MYO10: variants seen among roughly 807,000 people sequenced by gnomAD.
MYO10 encodes the protein unconventional myosin-X.
MYO10 carries 133 observed loss-of-function variants against 257.3 expected under a neutral mutation model. That is an observed-to-expected ratio of 0.52 (90% CI 0.45 to 0.60). The LOEUF (loss-of-function observed/expected upper bound fraction) is 0.60. Ranked by LOEUF, MYO10 falls within the 20% of genes least tolerant of loss-of-function variation. The pLI is 0.00. For missense variants in MYO10, 2,399 were observed against 2,635.7 expected (o/e 0.91, Z 1.97); for synonymous variants, 1,104 against 1,028.6 (o/e 1.07, Z -1.40).
rs866225048 is a variant in MYO10, at chr5:16,762,068, C to A, written c.1633G>T (p.Gly545Ter). 6.8e-7 allele frequency: 1 copy of A among 1,476,890 alleles called. No homozygotes were observed. Among genetic ancestry groups the A allele is most frequent in the East Asian group, 2.6e-5 (1 of 39,212 alleles). The allele number at this position is 1,476,890 out of a possible 1,614,324, so 91.5% of individuals were successfully genotyped here. A position where few individuals can be genotyped will look rare whatever the true frequency, so the allele number is the denominator to read the frequency against. ...VKPRVAVNNFGVKHYAGEVQY... is the reference protein window; with the variant it reads ...VKPRVAVNNF ...ACCTCTCCAGCATAGTGCTTCACTC[C>A]AAAATTGTTAACTGCAACTCTGGGC... The change falls in exon 16 of 41, where the codon GGA becomes TGA. Residue 545 changes from glycine (G) to a stop codon, truncating the protein, a stop_gained. Transcript: ENST00000513610. LOFTEE classifies it high-confidence loss of function.
intron 2 of MYO10, among the ~76,000 whole-genome samples, chr5:16,868,102 T>C (rs551237027): frequency 1.9e-4 from 29 of 152,310 alleles, no homozygotes; most frequent in Admixed American, 1.4e-3. Context: ...TTAGACTCTT[T>C]CCAGAAAAAG....
chr5:16,679,924 T>A, intron 33 of MYO10, 23 bp downstream of exon 33: 7 of 1,609,984 alleles, frequency 4.3e-6, no homozygotes, highest in Non-Finnish European at 5.9e-6. Flanking sequence ...ATCACCCACC[T>A]TGATGGGCTT....
chr5:16,864,093 G>C (rs546767502), intron 2 of MYO10, among the ~76,000 whole-genome samples: 25 of 151,602 alleles, frequency 1.6e-4, no homozygotes, highest in Non-Finnish European at 8.8e-5. Flanking sequence ...GTGAGAACCT[G>C]TCTCCAAAAC....
At chr5:16,772,781 G>A (rs1414538749) in intron 9 of MYO10, among the ~76,000 whole-genome samples, 7 of 152,176 alleles carry the variant, frequency 4.6e-5, no homozygotes, top group Non-Finnish European at 7.3e-5. Flanking sequence ...ATAGTGATAC[G>A]TGCCACATGG....
rs1742680677 is a variant in MYO10 at position 16,818,142 on chromosome 5, A to T, written c.146T>A (p.Ile49Asn). 1.3e-6 allele frequency: 2 copies of T among 1,597,170 alleles called. No individual in the cohort carries two copies. Among genetic ancestry groups the T allele is most frequent in the African/African-American group, 1.3e-5 (1 of 74,562 alleles). The part of the protein sequence containing the change: ...GQVFTYKQST[I>N]THQKVTAMHP... ...CATAGCAGTCACCTTCTGGTGGGTA[A>T]TTGTGCTCTGCTTGTAAGTGAATAC... Residue 49 changes from isoleucine (I) to asparagine (N), a missense_variant, in exon 3 of 41, where the codon ATT becomes AAT. This residue lies in a region of MYO10 where 242 missense variants were observed against 249.5 expected (regional missense o/e 0.97). Transcript: ENST00000513610.
chr5:16,732,098 A>C (rs1370267028), intron 19 of MYO10, among the ~76,000 whole-genome samples: 1 of 152,204 alleles, frequency 6.6e-6, no homozygotes, highest in Non-Finnish European at 1.5e-5. Flanking sequence ...GGAACATTTC[A>C]TATTTTGAGT....
chr5:16,662,548 C>T lies in MYO10; in HGVS notation c.*4144G>A, dbSNP rs772481114. 2.0e-5 allele frequency: 3 copies of T among 151,896 alleles called. No homozygotes were observed. The highest frequency in any genetic ancestry group is 2.9e-5 in the Non-Finnish European group (2 of 68,022). 9.4% of individuals were successfully genotyped at this position (151,896 alleles called of 1,614,324 possible). A position where few individuals can be genotyped will look rare whatever the true frequency, so the allele number is the denominator to read the frequency against. On this transcript the variant is annotated 3_prime_UTR_variant, in exon 41 of 41. Coordinates refer to ENST00000513610, the MANE Select transcript of MYO10 (RefSeq NM_012334.3). ...TGTTGCCCAGACTGGTCTTGAACTC[C>T]GGAGCTCAAGCGATCCTCTTGCCTC...
chr5:16,677,433 T>TTTTTTTTTTTTTTTTG (rs1363770924), intron 33 of MYO10, among the ~76,000 whole-genome samples: 5 of 145,326 alleles, frequency 3.4e-5, no homozygotes, highest in African/African-American at 8.1e-5. Context: ...TTTTTTTTTT[T>TTTTTTTTTTTTTTTTG]GAGACGGAGT....
chr5:16,780,572 A>C lies in MYO10; in HGVS notation c.778T>G (p.Tyr260Asp). The C allele has an allele frequency of 6.3e-7, 1 of 1,583,468 alleles. No individual in the cohort carries two copies. Among genetic ancestry groups the C allele is most frequent in the Non-Finnish European group, 8.6e-7 (1 of 1,163,048 alleles). Residue 260 changes from tyrosine to aspartate, a missense_variant, in exon 8 of 41, where the codon TAT becomes GAT. Around this residue, in one of 3 missense-constraint regions of MYO10, gnomAD observed 337 missense variants for 446.8 expected, o/e 0.75. Transcript: ENST00000513610. ...GCCAGCAGTGCATAAAATATGTGAT[A>C]ATTCCTTTCCCCGGGATTTTGCCTT... The part of the protein sequence containing the change: ...VVRQNPGERN[Y>D]HIFYALLAGL...
intron 36 of MYO10, 33 bp from the exon 37 acceptor site, chr5:16,672,858 C>CGGT (rs1736535126): frequency 6.2e-7 from 1 of 1,603,856 alleles, no homozygotes; most frequent in Non-Finnish European, 8.5e-7. Context: ...TTCAGTTCCA[C>CGGT]AGGCTGCGGC....
intron 1 of MYO10, among the ~76,000 whole-genome samples, chr5:16,878,993 A>G (rs1216402482): frequency 1.3e-5 from 2 of 151,288 alleles, no homozygotes; most frequent in East Asian, 1.9e-4. Context: ...TTTAAAAAAA[A>G]AAAAGAAAAA....
chr5:16,796,640 G>A (rs1741982262), intron 3 of MYO10, among the ~76,000 whole-genome samples: 1 of 152,164 alleles, frequency 6.6e-6, no homozygotes, highest in African/African-American at 2.4e-5. Flanking sequence ...GACACAACTA[G>A]GGAAGTCAGT....
intron 1 of MYO10, among the ~76,000 whole-genome samples, chr5:16,907,975 G>A (rs566265407): frequency 6.6e-6 from 1 of 152,362 alleles, no homozygotes; most frequent in East Asian, 1.9e-4. Context: ...GCTCACGCCT[G>A]TAATCCCAAC....
chr5:16,799,044 T>A (rs1241879418), intron 3 of MYO10, among the ~76,000 whole-genome samples: 1 of 152,208 alleles, frequency 6.6e-6, no homozygotes, highest in East Asian at 1.9e-4. Flanking sequence ...GTTTGTATGG[T>A]TGCTGTAAAA....
At chr5:16,817,634 A>G (rs1337086909) in intron 3 of MYO10, among the ~76,000 whole-genome samples, 4 of 152,216 alleles carry the variant, frequency 2.6e-5, no homozygotes, top group Admixed American at 1.3e-4. Flanking sequence ...CAGAAAAGAC[A>G]GCTTAAGCTC....
At chr5:16,801,181 G>C (rs1299290005) in intron 3 of MYO10, among the ~76,000 whole-genome samples, 1 of 152,038 alleles carries the variant, frequency 6.6e-6, no homozygotes, top group Non-Finnish European at 1.5e-5. Flanking sequence ...CACTTAAACA[G>C]CTGCTCCTGA....
intron 1 of MYO10, among the ~76,000 whole-genome samples, chr5:16,900,720 A>C (rs1040670416): frequency 1.3e-4 from 20 of 148,162 alleles, no homozygotes; most frequent in Non-Finnish European, 2.2e-4. Context: ...GATCCTCCCA[A>C]AAGTACACAC....
chr5:16,748,996 G>C (rs2126638623), intron 19 of MYO10, among the ~76,000 whole-genome samples: 1 of 152,218 alleles, frequency 6.6e-6, no homozygotes, highest in East Asian at 1.9e-4. Context: ...TCGGGGTAGA[G>C]ACAGATGGGG....
intron 3 of MYO10, among the ~76,000 whole-genome samples, chr5:16,806,637 G>C (rs1459747636): frequency 8.0e-6 from 1 of 124,270 alleles, no homozygotes; most frequent in Admixed American, 8.2e-5. Flanking sequence ...GACAGAGCAA[G>C]ACTCCGTCTC....
Sources: gnomAD v4.1 joint callset for allele counts (sites outside exome capture counted in the v4.1 genomes callset) on GRCh38, gnomAD v4.1.1 for gene constraint, gnomAD v4.1.1 regional missense constraint, MANE v1.5 for transcripts, NCBI Gene and HGNC (gene_info 2026-07-23, HGNC 2026-07-21) for gene names.